CFAP61: variants seen among roughly 807,000 people sequenced by gnomAD.
The protein encoded by CFAP61 is cilia- and flagella-associated protein 61.
In CFAP61, 107 loss-of-function variants were observed where a neutral mutation model predicts 135.6. The observed-to-expected ratio is 0.79, with a 90% CI of 0.67 to 0.93. The LOEUF is 0.93. Among genes scored for constraint, CFAP61 ranks in the 40% least tolerant of loss-of-function variants. The pLI is 0.00. For missense variants in CFAP61, 1,507 were observed against 1,556.2 expected, an observed-to-expected ratio of 0.97 and a Z score of 0.53; for synonymous variants, 575 against 578.5, an observed-to-expected ratio of 0.99 and a Z score of 0.09.
At chr20:20,265,619 A>G in intron 21 of CFAP61, 1 of 691,802 alleles carries the variant, frequency 1.4e-6, no homozygotes, top group Non-Finnish European at 2.6e-6. Flanking sequence ...CCTGTCTTAC[A>G]TGTAGGTGAT....
At position 20,290,032 on chromosome 20, in the gene CFAP61, G is replaced by A. The variant is rs537250943; in HGVS notation, c.3125-268G>A. 2.0e-4 allele frequency among the ~76,000 whole-genome samples: 30 copies of A among 152,292 alleles called. 1 individual carries two copies. The South Asian group carries it at 5.6e-3, about 28-fold the overall frequency. On this transcript the variant is annotated intron_variant, in intron 23 of 26. Transcript: ENST00000245957. ...TACAGGTTAAAGGGCGGGGAGCTCCGGATAATCACAGGATACACAAGATCG... is the reference window on the plus strand; with the variant it reads ...TACAGGTTAAAGGGCGGGGAGCTCCAGATAATCACAGGATACACAAGATCG...
chr20:20,234,819 GGA>G (rs1463050817), intron 18 of CFAP61, among the ~76,000 whole-genome samples: 1 of 152,048 alleles, frequency 6.6e-6, no homozygotes, highest in Non-Finnish European at 1.5e-5. Flanking sequence ...AGAGGGCCCA[GGA>G]GAGTGATTCC....
At chr20:20,160,249 C>A (rs1459299423) in intron 10 of CFAP61, among the ~76,000 whole-genome samples, 1 of 152,160 alleles carries the variant, frequency 6.6e-6, no homozygotes, top group Non-Finnish European at 1.5e-5. Context: ...GATGGACTGA[C>A]TCAGCAACAG....
chr20:20,063,149 C>G (rs1461951902), intron 2 of CFAP61, among the ~76,000 whole-genome samples: 2 of 151,900 alleles, frequency 1.3e-5, no homozygotes, highest in South Asian at 2.1e-4. Context: ...GCAGTCCTAC[C>G]AAAGATTCAG....
At chr20:20,090,581 T>C (rs1421932311) in intron 6 of CFAP61, among the ~76,000 whole-genome samples, 1 of 150,348 alleles carries the variant, frequency 6.7e-6, no homozygotes, top group Non-Finnish European at 1.5e-5. Context: ...TCCCACCTAC[T>C]CGGGAGGCTG....
chr20:20,350,350 C>T (rs1057501748), intron 26 of CFAP61, among the ~76,000 whole-genome samples: 1 of 152,208 alleles, frequency 6.6e-6, no homozygotes, highest in Non-Finnish European at 1.5e-5. Flanking sequence ...GAATTGAGGC[C>T]AGACGTGGTG....
At chr20:20,287,783 A>G (rs570362000) in intron 22 of CFAP61, among the ~76,000 whole-genome samples, 2 of 152,330 alleles carry the variant, frequency 1.3e-5, no homozygotes, top group South Asian at 2.1e-4. Flanking sequence ...AGCGTGTTTC[A>G]ATTGGTCCAA....
rs10523115 is a variant in CFAP61 at position 20,106,000 on chromosome 20, CTATATATATATA to C, written c.859+7225_859+7236del. Among the ~76,000 whole-genome samples the C allele has an allele frequency of 2.3e-3, 233 of 102,646 alleles. 6 individuals carry two copies. The highest frequency in any genetic ancestry group is 6.2e-3 in the South Asian group (21 of 3,404). 67.3% of individuals were successfully genotyped at this position (102,646 alleles called of 152,430 possible). ...CTTCGAAAGCTTTAGCTACTCTTGCCTATATATATATATATATATATATATATATATATATAT... is the reference window on the plus strand; with the variant it reads ...CTTCGAAAGCTTTAGCTACTCTTGCCTATATATATATATATATATATATAT... On this transcript the variant is annotated intron_variant, in intron 8 of 26. Transcript: ENST00000245957.
chr20:20,221,610 A>G (rs768306130), intron 17 of CFAP61: 11 of 152,178 alleles, frequency 7.2e-5, no homozygotes, highest in Non-Finnish European at 1.5e-4. Context: ...AGGGGAGGCA[A>G]TTTACGTGCC....
intron 8 of CFAP61, among the ~76,000 whole-genome samples, chr20:20,130,676 G>A (rs1381950602): frequency 2.0e-5 from 3 of 151,764 alleles, no homozygotes; most frequent in African/African-American, 7.3e-5. Flanking sequence ...CAGTCAGAGT[G>A]CCACCCATCC....
intron 25 of CFAP61, among the ~76,000 whole-genome samples, chr20:20,321,654 C>T (rs1396771489): frequency 6.6e-6 from 1 of 152,164 alleles, no homozygotes; most frequent in African/African-American, 2.4e-5. Context: ...CTCTGCTTCC[C>T]CCACAGCTCC....
intron 13 of CFAP61, among the ~76,000 whole-genome samples, chr20:20,176,235 A>C: frequency 6.6e-6 from 1 of 152,204 alleles, no homozygotes; most frequent in East Asian, 1.9e-4. Flanking sequence ...AGAAATAGGA[A>C]CAATTTTACA....
At chr20:20,246,291 G>A in intron 19 of CFAP61, 76 bp downstream of exon 19, 1 of 930,832 alleles carries the variant, frequency 1.1e-6, no homozygotes, top group Non-Finnish European at 1.7e-6. Flanking sequence ...ATGCTAAATA[G>A]TAGATTTCAG....
chr20:20,247,146 G>A (rs1051305319), intron 19 of CFAP61, among the ~76,000 whole-genome samples: 1 of 152,168 alleles, frequency 6.6e-6, no homozygotes, highest in Non-Finnish European at 1.5e-5. Flanking sequence ...GAGAAGCCAA[G>A]CTTGCTGGAT....
chr20:20,261,600 G>A (rs1569208594), intron 20 of CFAP61, among the ~76,000 whole-genome samples: 1 of 152,116 alleles, frequency 6.6e-6, no homozygotes, highest in Non-Finnish European at 1.5e-5. Context: ...GGGAACCTCA[G>A]GTCACTATGC....
chr20:20,204,077 C>T (rs1044425068), intron 17 of CFAP61, among the ~76,000 whole-genome samples: 2 of 152,064 alleles, frequency 1.3e-5, no homozygotes, highest in African/African-American at 4.8e-5. Flanking sequence ...TCAATAGTTG[C>T]TCCCCATCAT....
chr20:20,146,942 T>C (rs1346052895), intron 9 of CFAP61, among the ~76,000 whole-genome samples: 1 of 152,176 alleles, frequency 6.6e-6, no homozygotes, highest in Non-Finnish European at 1.5e-5. Context: ...ATTATATCAC[T>C]CTTACGCCTT....
chr20:20,140,561 AC>A (rs2051306981), intron 8 of CFAP61, among the ~76,000 whole-genome samples: 1 of 152,198 alleles, frequency 6.6e-6, no homozygotes, highest in South Asian at 2.1e-4. Flanking sequence ...AAGTCAGGAA[AC>A]AACAGGTGCT....
intron 25 of CFAP61, among the ~76,000 whole-genome samples, chr20:20,314,248 G>A (rs1406570777): frequency 2.0e-5 from 3 of 149,622 alleles, no homozygotes; most frequent in Non-Finnish European, 1.5e-5. Context: ...AAATTAGCAG[G>A]GTGTCTTGGT....
Sources: gnomAD v4.1 joint callset for allele counts (sites outside exome capture counted in the v4.1 genomes callset) on GRCh38, gnomAD v4.1.1 for gene constraint, MANE v1.5 for transcripts, NCBI Gene and HGNC (gene_info 2026-07-23, HGNC 2026-07-21) for gene names.